Variants in MED26 observed in about 807,000 individuals in gnomAD.
The protein encoded by MED26 is mediator complex subunit 26, also known as mediator of RNA polymerase II transcription subunit 26.
A neutral mutation model predicts 43.7 loss-of-function variants in MED26; 7 were observed. The ratio of observed to expected loss-of-function variants is 0.16; its 90% CI spans 0.09 to 0.30. MED26 has a LOEUF of 0.30. Ranked by LOEUF, MED26 falls within the 10% of genes least tolerant of loss-of-function variation. The pLI is 1.00. For missense variants in MED26, 784 were observed against 840.6 expected (o/e 0.93, Z 0.83); for synonymous variants, 375 against 371.1 (o/e 1.01, Z -0.12).
chr19:16,576,758 C>A lies in MED26; in HGVS notation c.1072G>T (p.Ala358Ser). 6.2e-7 allele frequency: 1 copy of A among 1,607,412 alleles called. No individual in the cohort carries two copies. The highest frequency in any genetic ancestry group is 8.5e-7 in the Non-Finnish European group (1 of 1,179,160). Residue 358 changes from alanine to serine, a missense_variant, in exon 3 of 3, where the codon GCA (alanine) becomes TCA (serine). Ala to Ser is a moderately conservative substitution (Grantham distance 99). This residue lies in a region of MED26 where 719 missense variants were observed against 730.9 expected (regional missense o/e 0.98). Transcript: ENST00000263390. This position sits in a 1 kb window ranked among gnomAD's most constrained non-coding sequence, Gnocchi z 6.8. ...AGGGGCTCGGCTGGGGACAGCCCTG[C>A]CTTGCAGCCCGGCCCCGCCAGCCGC... ...HQRLAGPGCK[A>S]GLSPAEPLLS...
intron 1 of MED26, among the ~76,000 whole-genome samples, chr19:16,609,336 A>AAAGAGAGAGAG (rs765489188): frequency 8.4e-5 from 12 of 142,258 alleles, no homozygotes; most frequent in Non-Finnish European, 1.7e-4. Context: ...AAAAAAAAAA[A>AAAGAGAGAGAG]AGAGAGAGAA....
intron 1 of MED26, among the ~76,000 whole-genome samples, chr19:16,600,334 C>T (rs980910318): frequency 4.2e-4 from 64 of 152,330 alleles, no homozygotes; most frequent in African/African-American, 1.5e-3. Context: ...TGATCAATGA[C>T]TGGGACCCCT....
At chr19:16,627,752 C>A in intron 1 of MED26, 120 bp downstream of exon 1, 2 of 630,384 alleles carry the variant, frequency 3.2e-6, no homozygotes, top group Non-Finnish European at 4.7e-6. Flanking sequence ...TGGCAGCGGC[C>A]CTCGAGGGGA....
Position 16,627,865 on chromosome 19 carries a change from T to C in MED26, c.72+7A>G. 2 of 1,485,740 alleles carry C rather than the reference T, an allele frequency of 1.3e-6. No homozygotes were observed. Among genetic ancestry groups the C allele is most frequent in the South Asian group, 2.6e-5 (2 of 77,922 alleles). The allele number at this position is 1,485,740 out of a possible 1,614,324, so 92.0% of individuals were successfully genotyped here. On this transcript the variant is annotated splice_region_variant and intron_variant, in intron 1 of 2. Coordinates refer to ENST00000263390, the MANE Select transcript of MED26 (RefSeq NM_004831.5). ...CCTCCGTCCCAGCTCGCGCGGCGGG[T>C]ACTTACGTTGCTCTGGGGGTCGATG...
chr19:16,625,354 C>T (rs1040133352), intron 1 of MED26, among the ~76,000 whole-genome samples: 3 of 152,212 alleles, frequency 2.0e-5, no homozygotes, highest in South Asian at 2.1e-4. Context: ...AACACGACTT[C>T]GTCACTTCCC....
chr19:16,598,412 G>A (rs949640476), intron 1 of MED26, among the ~76,000 whole-genome samples: 9 of 150,862 alleles, frequency 6.0e-5, no homozygotes, highest in Non-Finnish European at 1.3e-4. Flanking sequence ...CCAGAAGGTC[G>A]GAACACAAGA....
At chr19:16,595,983 T>C (rs2086118407) in intron 1 of MED26, among the ~76,000 whole-genome samples, 1 of 152,206 alleles carries the variant, frequency 6.6e-6, no homozygotes, top group African/African-American at 2.4e-5. Flanking sequence ...TCAAATACTG[T>C]CATGGCAACT....
In MED26 at chr19:16,576,953, G is replaced by A; in HGVS notation, c.877C>T (p.Pro293Ser). 2 of 1,597,512 alleles carry A rather than the reference G, an allele frequency of 1.3e-6. No homozygotes were observed. Among genetic ancestry groups the A allele is most frequent in the East Asian group, 2.2e-5 (1 of 44,612 alleles). Reference sequence around the variant, plus strand: ...GAGGGGCTGGGCACGGAGCCCTTGGGTGCATACAAGCTCTGCTGCCGGGCA... The same window carrying A: ...GAGGGGCTGGGCACGGAGCCCTTGGATGCATACAAGCTCTGCTGCCGGGCA... The part of the protein sequence containing the change: ...SFARQQSLYA[P>S]KGSVPSPSPR... The change falls in exon 3 of 3, where the codon CCC becomes TCC. Residue 293 changes from proline (P) to serine (S), a missense_variant. Physicochemically the swap from Pro to Ser is moderately conservative, Grantham distance 74. Around this residue, in one of 3 missense-constraint regions of MED26, gnomAD observed 719 missense variants for 730.9 expected, o/e 0.98. Transcript: ENST00000263390. This position sits in a 1 kb window ranked among gnomAD's most constrained non-coding sequence, Gnocchi z 6.8.
rs869040520 is a variant in MED26 at position 16,609,941 on chromosome 19, TAAA to T, written c.72+17928_72+17930del. On this transcript the variant is annotated intron_variant, in intron 1 of 2. Transcript: ENST00000263390. ...TATGTTCTTGGACACAAGCACTCTT[TAAA>T]AAAAAAAAAAAAAAAAAAAAAAGGC... Among the ~76,000 whole-genome samples the T allele has an allele frequency of 6.3e-3, 532 of 84,646 alleles. 4 individuals are homozygous for T. The highest frequency in any genetic ancestry group is 0.022 in the African/African-American group (469 of 21,102). The allele number at this position is 84,646 out of a possible 152,430, so 55.5% of individuals were successfully genotyped here.
intron 1 of MED26, chr19:16,578,875 G>A: frequency 6.4e-6 from 1 of 157,250 alleles, no homozygotes; most frequent in Non-Finnish European, 1.4e-5. Flanking sequence ...GGCTGACGAA[G>A]GCGGATCAGA....
In MED26 at chr19:16,576,700, G is replaced by A; in HGVS notation, c.1130C>T (p.Ser377Phe). The A allele has an allele frequency of 6.2e-7, 1 of 1,613,504 alleles. No individual in the cohort carries two copies. The highest frequency in any genetic ancestry group is 8.5e-7 in the Non-Finnish European group (1 of 1,179,982). The change falls in exon 3 of 3, where the codon TCC becomes TTC. Residue 377 changes from serine to phenylalanine, a missense_variant. Physicochemically the swap from Ser to Phe is radical, Grantham distance 155. Coordinates refer to ENST00000263390, the MANE Select transcript of MED26 (RefSeq NM_004831.5). This position sits in a 1 kb window ranked among gnomAD's most constrained non-coding sequence, Gnocchi z 6.8. Reference protein sequence around the residue: ...LSRAGFSPDSSKADSDAASSG... With the variant: ...LSRAGFSPDSFKADSDAASSG... ...GGAGGCAGCATCACTGTCCGCCTTG[G>A]AGGAGTCTGGGGAAAAGCCTGCCCG...
chr19:16,578,229 C>T (rs1279858429), intron 2 of MED26, 106 bp downstream of exon 2: 1 of 1,095,748 alleles, frequency 9.1e-7, no homozygotes, highest in Non-Finnish European at 1.4e-6. Flanking sequence ...TCTTGGTCCT[C>T]CGAAGCAAAG....
chr19:16,584,011 T>G (rs957637373), intron 1 of MED26, among the ~76,000 whole-genome samples: 1 of 152,034 alleles, frequency 6.6e-6, no homozygotes, highest in African/African-American at 2.4e-5. Flanking sequence ...CATGGGGGCA[T>G]GGAGGGGACA....
At chr19:16,596,390 G>C (rs960042200) in intron 1 of MED26, among the ~76,000 whole-genome samples, 2 of 152,232 alleles carry the variant, frequency 1.3e-5, no homozygotes, top group African/African-American at 2.4e-5. Flanking sequence ...TCAGGCAAGA[G>C]AGAGGATCTG....
In MED26 at chr19:16,627,861, C is replaced by G; in HGVS notation, c.72+11G>C. 1.3e-6 allele frequency: 2 copies of G among 1,482,226 alleles called. No homozygotes were observed. The highest frequency in any genetic ancestry group is 1.8e-6 in the Non-Finnish European group (2 of 1,110,012). 91.8% of individuals were successfully genotyped at this position (1,482,226 alleles called of 1,614,324 possible). On this transcript the variant is annotated intron_variant, in intron 1 of 2. Coordinates refer to ENST00000263390, the MANE Select transcript of MED26 (RefSeq NM_004831.5). ...GCGGCCTCCGTCCCAGCTCGCGCGG[C>G]GGGTACTTACGTTGCTCTGGGGGTC...
At chr19:16,623,997 T>C (rs1047825348) in intron 1 of MED26, among the ~76,000 whole-genome samples, 3 of 152,022 alleles carry the variant, frequency 2.0e-5, no homozygotes, top group Non-Finnish European at 4.4e-5. Context: ...CACAAGGCTG[T>C]TGGGGAGAAG....
chr19:16,592,982 A>C (rs2086104756), intron 1 of MED26, among the ~76,000 whole-genome samples: 1 of 152,206 alleles, frequency 6.6e-6, no homozygotes, highest in Non-Finnish European at 1.5e-5. Context: ...CTCCCACAGG[A>C]CTGGCCGAAT....
rs184404673 is a variant in MED26, at chr19:16,599,114, G to C, written c.73-20705C>G. Among the ~76,000 whole-genome samples the C allele has an allele frequency of 2.2e-3, 338 of 152,266 alleles. 2 individuals are homozygous for C. Among genetic ancestry groups the C allele is most frequent in the African/African-American group, 7.9e-3 (329 of 41,554 alleles). On this transcript the variant is annotated intron_variant, in intron 1 of 2. Transcript: ENST00000263390. The stretch of plus-strand genomic sequence containing the variant: ...GGGGAAGAGACTGCTGTCAGGCAGG[G>C]CTCCAGATGCCATCGAATCATTTTG...
chr19:16,608,503 C>G (rs2086184295), intron 1 of MED26, among the ~76,000 whole-genome samples: 1 of 152,212 alleles, frequency 6.6e-6, no homozygotes, highest in Non-Finnish European at 1.5e-5. Context: ...GTATTTCCAC[C>G]ACAGAAATCA....
Sources: gnomAD v4.1 joint callset for allele counts (sites outside exome capture counted in the v4.1 genomes callset) on GRCh38, gnomAD v4.1.1 for gene constraint, gnomAD v4.1.1 regional missense constraint, Gnocchi (gnomAD v3.1) non-coding constraint, MANE v1.5 for transcripts, NCBI Gene and HGNC (gene_info 2026-07-23, HGNC 2026-07-21) for gene names.